Variants in TOX2 observed in about 807,000 individuals in gnomAD.
TOX2 encodes TOX high mobility group box family member 2, also known as granulosa cell HMG box 1.
In TOX2, 15 loss-of-function variants were observed where a neutral mutation model predicts 47.4. The ratio of observed to expected loss-of-function variants is 0.32; its 90% CI spans 0.21 to 0.49. The LOEUF is 0.49. Ranked by LOEUF, TOX2 falls within the 20% of genes least tolerant of loss-of-function variation. The pLI is 0.99. For synonymous variants in TOX2, 290 were observed against 296.6 expected (o/e 0.98, Z 0.23); for missense variants, 622 against 673.1 (o/e 0.92, Z 0.84).
chr20:43,946,025 T>G (rs1194739152), intron 1 of TOX2: 2 of 1,613,978 alleles, frequency 1.2e-6, no homozygotes, highest in Admixed American at 3.3e-5. Flanking sequence ...ATTGCAGGTG[T>G]GTTTCCGCAG....
intron 1 of TOX2, chr20:43,955,176 G>A (rs545926721): frequency 1.1e-6 from 1 of 930,014 alleles, no homozygotes; most frequent in African/African-American, 1.8e-5. Flanking sequence ...CTGAAGCTAT[G>A]GCATAATTTG....
At chr20:43,955,107 CA>C in intron 1 of TOX2, 1 of 350,392 alleles carries the variant, frequency 2.9e-6, no homozygotes, top group East Asian at 1.7e-4. Context: ...TGTGAATATT[CA>C]TATGTTCCAC....
intron 2 of TOX2, among the ~76,000 whole-genome samples, chr20:43,996,676 A>G (rs1048447339): frequency 1.3e-5 from 2 of 151,566 alleles, no homozygotes; most frequent in African/African-American, 4.9e-5. Context: ...TGTGGGATTT[A>G]TGCTGACTTC....
intron 1 of TOX2, among the ~76,000 whole-genome samples, chr20:43,943,946 C>A (rs538672882): frequency 6.6e-6 from 1 of 152,166 alleles, no homozygotes; most frequent in Non-Finnish European, 1.5e-5. Flanking sequence ...CTTGTCCACA[C>A]GAATTTGAGC....
intron 1 of TOX2, among the ~76,000 whole-genome samples, chr20:43,961,822 C>T (rs1046637147): frequency 6.6e-6 from 1 of 151,990 alleles, no homozygotes; most frequent in African/African-American, 2.4e-5. Context: ...TGGCATCCCC[C>T]ACAGCAGAAG....
intron 1 of TOX2, among the ~76,000 whole-genome samples, chr20:43,972,096 C>G (rs758207328): frequency 5.3e-5 from 8 of 152,240 alleles, no homozygotes; most frequent in Non-Finnish European, 8.8e-5. Flanking sequence ...GCACAGACAT[C>G]TCCCACCTGC....
At chr20:44,026,910 C>T (rs1405539452) in intron 3 of TOX2, among the ~76,000 whole-genome samples, 1 of 152,192 alleles carries the variant, frequency 6.6e-6, no homozygotes, top group African/African-American at 2.4e-5. Context: ...GCTTTTCCTG[C>T]CGCCTCCTCC....
chr20:43,924,334 A>G lies in TOX2; in HGVS notation c.99+9344A>G, dbSNP rs560820109. ...GATAGTTACTTTTTGGGTCCAAGGGAAGACAAATGGTAATTAATGGAGTTT... is the reference window on the plus strand; with the variant it reads ...GATAGTTACTTTTTGGGTCCAAGGGGAGACAAATGGTAATTAATGGAGTTT... On this transcript the variant is annotated intron_variant, in intron 1 of 8. Coordinates refer to ENST00000341197, the MANE Select transcript of TOX2 (RefSeq NM_001098797.2). Among the ~76,000 whole-genome samples the G allele has an allele frequency of 7.2e-5, 11 of 151,994 alleles. No homozygotes were observed. In the South Asian group the frequency reaches 2.1e-3, roughly 29 times the overall value.
chr20:43,955,351 C>T, intron 1 of TOX2: 2 of 966,216 alleles, frequency 2.1e-6, no homozygotes, highest in African/African-American at 3.5e-5. Context: ...AGCCTGAAAC[C>T]CGTTGTTTCC....
At chr20:43,989,839 C>T (rs1569069160) in intron 2 of TOX2, among the ~76,000 whole-genome samples, 1 of 151,830 alleles carries the variant, frequency 6.6e-6, no homozygotes, top group Non-Finnish European at 1.5e-5. Flanking sequence ...TACTGCATGC[C>T]AGGAATCAAG....
intron 3 of TOX2, among the ~76,000 whole-genome samples, chr20:44,028,304 G>A (rs1398991580): frequency 6.6e-6 from 1 of 151,980 alleles, no homozygotes; most frequent in South Asian, 2.1e-4. Flanking sequence ...TGGGCAGGGG[G>A]GTGAGGGGGT....
intron 5 of TOX2, among the ~76,000 whole-genome samples, chr20:44,062,802 A>G (rs989429066): frequency 5.3e-5 from 8 of 152,212 alleles, no homozygotes; most frequent in African/African-American, 1.9e-4. Flanking sequence ...CATATAGACC[A>G]TGGAAAAGAT....
At chr20:44,016,781 C>T (rs887394501) in intron 3 of TOX2, among the ~76,000 whole-genome samples, 1 of 152,180 alleles carries the variant, frequency 6.6e-6, no homozygotes, top group Non-Finnish European at 1.5e-5. Flanking sequence ...CAGAAGTTAT[C>T]TTCTCACAGA....
intron 1 of TOX2, among the ~76,000 whole-genome samples, chr20:43,927,625 C>CTTCCTTCCTTCCT (rs146262327): frequency 0.026 from 2,100 of 81,336 alleles, 223 homozygotes; most frequent in Middle Eastern, 0.052. Context: ...TCCTTCCTTC[C>CTTCCTTCCTTCCT]TCCTTCCTTC....
chr20:43,955,262 G>C (rs1477330389), intron 1 of TOX2: 1 of 985,362 alleles, frequency 1.0e-6, no homozygotes, highest in Non-Finnish European at 1.2e-6. Context: ...GAGAGCTGTG[G>C]ATCTGTGCAT....
intron 2 of TOX2, among the ~76,000 whole-genome samples, chr20:43,999,032 T>A (rs538833625): frequency 6.6e-6 from 1 of 152,302 alleles, no homozygotes; most frequent in African/African-American, 2.4e-5. Flanking sequence ...AGTTCTCGGA[T>A]TACAGGCGTG....
In TOX2 at chr20:44,034,854, T is replaced by C. The variant is rs558527938; in HGVS notation, c.412-16452T>C. 8.5e-5 allele frequency among the ~76,000 whole-genome samples: 13 copies of C among 152,364 alleles called. No homozygotes were observed. The East Asian group carries it at 2.3e-3, about 27-fold the overall frequency. ...GACCCTGTGAACATGTTAGCTTCCA[T>C]AGACACCCTGTTGGCTCCCAAAACT... On this transcript the variant is annotated intron_variant, in intron 3 of 8. Coordinates refer to ENST00000341197, the MANE Select transcript of TOX2 (RefSeq NM_001098797.2).
In TOX2 at chr20:43,946,975, G is replaced by A. The variant is rs147653322; in HGVS notation, c.100-26392G>A. Among the ~76,000 whole-genome samples the A allele has an allele frequency of 3.7e-3, 567 of 152,302 alleles. 5 individuals carry two copies. The highest frequency in any genetic ancestry group is 0.013 in the African/African-American group (540 of 41,554). ...AGGCTCCCGCTCAGGTCCGCTTTCC[G>A]TCATTTGGAACATCCTGGGTGAACT... On this transcript the variant is annotated intron_variant, in intron 1 of 8. Coordinates refer to ENST00000341197, the MANE Select transcript of TOX2 (RefSeq NM_001098797.2).
chr20:43,938,100 C>T (rs2069351615), intron 1 of TOX2, among the ~76,000 whole-genome samples: 2 of 152,206 alleles, frequency 1.3e-5, no homozygotes, highest in African/African-American at 2.4e-5. Context: ...TGCTTGTGGA[C>T]AATGCGGGCA....
Sources: gnomAD v4.1 joint callset for allele counts (sites outside exome capture counted in the v4.1 genomes callset) on GRCh38, gnomAD v4.1.1 for gene constraint, MANE v1.5 for transcripts, NCBI Gene and HGNC (gene_info 2026-07-23, HGNC 2026-07-21) for gene names.